NIBAN1: variants seen among roughly 807,000 people sequenced by gnomAD.
The protein encoded by NIBAN1 is protein Niban 1.
NIBAN1 carries 81 observed loss-of-function variants against 75.1 expected under a neutral mutation model. The observed-to-expected ratio is 1.08, with a 90% CI of 0.90 to 1.30. The LOEUF (loss-of-function observed/expected upper bound fraction) is 1.30. Among genes scored for constraint, NIBAN1 ranks in the 50% most tolerant of loss-of-function variants. The probability of loss-of-function intolerance (pLI) is 0.00; values close to 1 mark genes in which losing one functional copy is unlikely to be tolerated. For missense variants in NIBAN1, 1,133 were observed against 1,128.1 expected (o/e 1.00, Z -0.06); for synonymous variants, 436 against 424.8 (o/e 1.03, Z -0.32).
At chr1:184,925,760 T>A (rs1292842170) in intron 1 of NIBAN1, among the ~76,000 whole-genome samples, 1 of 152,212 alleles carries the variant, frequency 6.6e-6, no homozygotes, top group East Asian at 1.9e-4. Flanking sequence ...TAACTTTCTG[T>A]TGTTATATTT....
chr1:184,923,505 C>G (rs890514656), intron 1 of NIBAN1, among the ~76,000 whole-genome samples: 1 of 152,114 alleles, frequency 6.6e-6, no homozygotes, highest in Non-Finnish European at 1.5e-5. Context: ...TGTGATTCCT[C>G]CAGTTTTGTT....
chr1:184,974,240 G>A, intron 1 of NIBAN1, 62 bp downstream of exon 1: 1 of 1,424,900 alleles, frequency 7.0e-7, no homozygotes, highest in South Asian at 1.4e-5. Flanking sequence ...GGCCCCGACC[G>A]CGGCAGCCAG....
chr1:184,928,847 C>G (rs1184049456), intron 1 of NIBAN1, among the ~76,000 whole-genome samples: 1 of 152,058 alleles, frequency 6.6e-6, no homozygotes, highest in African/African-American at 2.4e-5. Context: ...AATAGTTGTA[C>G]AATTTGGTGT....
chr1:184,967,865 G>A (rs1658838958), intron 1 of NIBAN1, among the ~76,000 whole-genome samples: 1 of 152,184 alleles, frequency 6.6e-6, no homozygotes, highest in South Asian at 2.1e-4. Context: ...ATGTTAATCT[G>A]TCTCAGTCTA....
intron 1 of NIBAN1, among the ~76,000 whole-genome samples, chr1:184,904,744 A>G (rs183366919): frequency 6.6e-6 from 1 of 152,296 alleles, no homozygotes; most frequent in East Asian, 1.9e-4. Flanking sequence ...TGAGGTCAAG[A>G]GTTCAAGACC....
intron 4 of NIBAN1, among the ~76,000 whole-genome samples, chr1:184,885,413 G>C (rs188134642): frequency 1.3e-5 from 2 of 152,200 alleles, no homozygotes; most frequent in South Asian, 4.1e-4. Context: ...GAGCTCAAGC[G>C]AGCCACCTGA....
In NIBAN1 at chr1:184,803,680, C is replaced by T. The variant is rs1212489320; in HGVS notation, c.1459G>A (p.Asp487Asn). The change falls in exon 12 of 14, where the codon GAC becomes AAC. Residue 487 changes from aspartate (D) to asparagine (N), a missense_variant. Physicochemically the swap from Asp to Asn is conservative, Grantham distance 23 (BLOSUM62 1). Coordinates refer to ENST00000367511, the MANE Select transcript of NIBAN1 (RefSeq NM_052966.4). Reference protein sequence around the residue: ...KLRVLKQYDYDSSTIRKKIFQ... With the variant: ...KLRVLKQYDYNSSTIRKKIFQ... The stretch of plus-strand genomic sequence containing the variant: ...ATCTTCTTTCGGATGGTGCTGCTGT[C>T]ATAATCATATTGCTGTCAATAAAGA... 1.2e-6 allele frequency: 2 copies of T among 1,613,894 alleles called. No individual in the cohort carries two copies. Among genetic ancestry groups the T allele is most frequent in the South Asian group, 2.2e-5 (2 of 91,058 alleles).
At chr1:184,920,103 G>A (rs1383961213) in intron 1 of NIBAN1, among the ~76,000 whole-genome samples, 9 of 152,144 alleles carry the variant, frequency 5.9e-5, no homozygotes, top group Non-Finnish European at 1.2e-4. Flanking sequence ...CCAACTGGAG[G>A]ACATTGAGGA....
intron 1 of NIBAN1, among the ~76,000 whole-genome samples, chr1:184,941,705 A>C (rs1409452141): frequency 1.3e-5 from 2 of 151,904 alleles, no homozygotes; most frequent in Admixed American, 6.6e-5. Flanking sequence ...GAATTTAGAT[A>C]CCTGGGGGTG....
intron 1 of NIBAN1, among the ~76,000 whole-genome samples, chr1:184,912,532 G>A (rs939137714): frequency 2.6e-5 from 4 of 152,096 alleles, no homozygotes; most frequent in African/African-American, 9.7e-5. Context: ...CCACATTTTT[G>A]CCTGTTTCAA....
chr1:184,797,972 T>A (rs1653922401), intron 13 of NIBAN1, 107 bp downstream of exon 13: 1 of 556,628 alleles, frequency 1.8e-6, no homozygotes, highest in African/African-American at 1.9e-5. Context: ...CCCTCACCAA[T>A]GTCCATTTCC....
intron 1 of NIBAN1, among the ~76,000 whole-genome samples, chr1:184,901,327 G>A (rs895750728): frequency 6.6e-6 from 1 of 152,058 alleles, no homozygotes; most frequent in South Asian, 2.1e-4. Flanking sequence ...TTTGAATCAG[G>A]CATGCTTTTG....
chr1:184,895,855 C>A (rs1656784521), intron 2 of NIBAN1, among the ~76,000 whole-genome samples: 1 of 152,128 alleles, frequency 6.6e-6, no homozygotes, highest in African/African-American at 2.4e-5. Flanking sequence ...GGATAATGGC[C>A]TCCAGCTCCA....
chr1:184,795,321 G>C lies in NIBAN1; in HGVS notation c.2443C>G (p.Leu815Val). 1.2e-6 allele frequency: 2 copies of C among 1,611,288 alleles called. No homozygotes were observed. Among genetic ancestry groups the C allele is most frequent in the Non-Finnish European group, 8.5e-7 (1 of 1,179,102 alleles). Residue 815 changes from leucine (L) to valine (V), a missense_variant, in exon 14 of 14, where the codon CTC becomes GTC. Leu to Val is a conservative substitution (Grantham distance 32). Coordinates refer to ENST00000367511, the MANE Select transcript of NIBAN1 (RefSeq NM_052966.4). Reference protein sequence around the residue: ...EEPLGPMEGELPGEACTLTAH... With the variant: ...EEPLGPMEGEVPGEACTLTAH... ...GTGAGTGTGCAGGCCTCTCCTGGGA[G>C]CTCCCCCTCCATGGGCCCCAGGGGC...
At chr1:184,898,482 G>T (rs983923773) in intron 2 of NIBAN1, among the ~76,000 whole-genome samples, 1 of 152,046 alleles carries the variant, frequency 6.6e-6, no homozygotes, top group Non-Finnish European at 1.5e-5. Flanking sequence ...TGGGTGTGGT[G>T]GTGCGCACCT....
At chr1:184,929,808 A>G (rs1278519720) in intron 1 of NIBAN1, among the ~76,000 whole-genome samples, 3 of 152,234 alleles carry the variant, frequency 2.0e-5, no homozygotes, top group African/African-American at 7.2e-5. Flanking sequence ...GATAGATCAA[A>G]TTATCATGAA....
At chr1:184,964,346 T>C (rs1658724517) in intron 1 of NIBAN1, among the ~76,000 whole-genome samples, 1 of 152,200 alleles carries the variant, frequency 6.6e-6, no homozygotes, top group South Asian at 2.1e-4. Context: ...AAGTTTCTGA[T>C]ACTTACTCAT....
At chr1:184,900,559 G>A (rs189957365) in intron 1 of NIBAN1, among the ~76,000 whole-genome samples, 2 of 152,192 alleles carry the variant, frequency 1.3e-5, no homozygotes, top group Non-Finnish European at 2.9e-5. Flanking sequence ...TGAACCATGT[G>A]GGGGAAGCTT....
At chr1:184,925,256 T>C (rs568753259) in intron 1 of NIBAN1, among the ~76,000 whole-genome samples, 2 of 152,266 alleles carry the variant, frequency 1.3e-5, no homozygotes, top group South Asian at 4.1e-4. Flanking sequence ...TTCATTTGTA[T>C]GGAACATCTT....
Sources: gnomAD v4.1 joint callset for allele counts (sites outside exome capture counted in the v4.1 genomes callset) on GRCh38, gnomAD v4.1.1 for gene constraint, MANE v1.5 for transcripts, NCBI Gene and HGNC (gene_info 2026-07-23, HGNC 2026-07-21) for gene names.